Variants in NRXN1 observed in about 807,000 individuals in gnomAD.
NRXN1 encodes the protein neurexin-1.
A neutral mutation model predicts 150.9 loss-of-function variants in NRXN1; 39 were observed. The observed-to-expected ratio is 0.26, with a 90% CI of 0.20 to 0.34. NRXN1 has a LOEUF of 0.34. Ranked by LOEUF, NRXN1 falls within the 10% of genes least tolerant of loss-of-function variation. NRXN1 has a pLI of 1.00. For missense variants in NRXN1, 1,815 were observed against 1,949.9 expected, an observed-to-expected ratio of 0.93 and a Z score of 1.30; for synonymous variants, 924 against 757.0, an observed-to-expected ratio of 1.22 and a Z score of -3.62.
At chr2:50,211,361 G>A (rs1251027100) in intron 18 of NRXN1, among the ~76,000 whole-genome samples, 1 of 151,468 alleles carries the variant, frequency 6.6e-6, no homozygotes. Flanking sequence ...ATAGAACATT[G>A]AAAATAAGAA....
At chr2:49,960,112 G>C (rs963790316) in intron 21 of NRXN1, among the ~76,000 whole-genome samples, 2 of 152,132 alleles carry the variant, frequency 1.3e-5, no homozygotes, top group African/African-American at 4.8e-5. Flanking sequence ...GCAAACTCAA[G>C]GGAGACAGAC....
chr2:50,895,105 T>C (rs942664795), intron 5 of NRXN1, among the ~76,000 whole-genome samples: 3 of 152,130 alleles, frequency 2.0e-5, no homozygotes, highest in Admixed American at 6.5e-5. Flanking sequence ...AATGACAAAT[T>C]ATTCATTTGC....
At chr2:50,896,810 G>A (rs1296942045) in intron 5 of NRXN1, among the ~76,000 whole-genome samples, 2 of 151,364 alleles carry the variant, frequency 1.3e-5, no homozygotes, top group Non-Finnish European at 2.9e-5. Flanking sequence ...TTGTGCCACT[G>A]CACCCCAGCC....
At chr2:50,131,599 A>G (rs1361008585) in intron 18 of NRXN1, among the ~76,000 whole-genome samples, 2 of 152,222 alleles carry the variant, frequency 1.3e-5, no homozygotes, top group East Asian at 3.8e-4. Context: ...TATACGAAGA[A>G]ATGCTCTGTT....
At chr2:50,980,871 C>T (rs1447196644) in intron 2 of NRXN1, among the ~76,000 whole-genome samples, 2 of 152,036 alleles carry the variant, frequency 1.3e-5, no homozygotes, top group African/African-American at 4.8e-5. Flanking sequence ...GAAAGATTAT[C>T]TATGGTAGAA....
At chr2:50,206,818 TTTTA>T (rs1210448127) in intron 18 of NRXN1, among the ~76,000 whole-genome samples, 2 of 150,836 alleles carry the variant, frequency 1.3e-5, no homozygotes, top group Non-Finnish European at 1.5e-5. Context: ...GTAATATATA[TTTTA>T]TTTATTATGA....
chr2:50,183,002 T>C (rs997811691), intron 18 of NRXN1, among the ~76,000 whole-genome samples: 2 of 152,058 alleles, frequency 1.3e-5, no homozygotes, highest in East Asian at 3.9e-4. Context: ...AATGTATACA[T>C]ACCATAGAGA....
intron 5 of NRXN1, among the ~76,000 whole-genome samples, chr2:50,892,356 C>T (rs1681195014): frequency 6.6e-6 from 1 of 152,124 alleles, no homozygotes; most frequent in African/African-American, 2.4e-5. Context: ...TATTACTCAG[C>T]TATTGGGAAT....
chr2:49,958,235 C>A (rs761633307), intron 21 of NRXN1, among the ~76,000 whole-genome samples: 28 of 152,190 alleles, frequency 1.8e-4, no homozygotes, highest in Middle Eastern at 3.2e-3. Flanking sequence ...ACTCTTCCTG[C>A]AGGTATTTCA....
chr2:50,792,676 C>T (rs1706220626), intron 5 of NRXN1, among the ~76,000 whole-genome samples: 1 of 150,934 alleles, frequency 6.6e-6, no homozygotes, highest in Non-Finnish European at 1.5e-5. Flanking sequence ...AAAAACAGAA[C>T]TTTTTTTTTA....
At chr2:50,829,063 C>T (rs530695371) in intron 5 of NRXN1, among the ~76,000 whole-genome samples, 8 of 152,274 alleles carry the variant, frequency 5.3e-5, no homozygotes, top group Admixed American at 4.6e-4. Flanking sequence ...CCCGTCTCCA[C>T]CAAAAAAATA....
chr2:49,949,809 T>G (rs948562338), intron 21 of NRXN1, among the ~76,000 whole-genome samples: 2 of 151,850 alleles, frequency 1.3e-5, no homozygotes, highest in African/African-American at 4.8e-5. Context: ...CAACAGTTAG[T>G]GGGTCGAGGA....
chr2:50,095,376 C>A (rs1476931394), intron 18 of NRXN1, among the ~76,000 whole-genome samples: 13 of 152,144 alleles, frequency 8.5e-5, no homozygotes. Context: ...ATCTGTTACT[C>A]TAGGGTTGCC....
chr2:50,619,934 A>T (rs974647578), intron 8 of NRXN1, 88 bp downstream of exon 8: 3 of 1,228,002 alleles, frequency 2.4e-6, no homozygotes, highest in Non-Finnish European at 3.3e-6. Context: ...ACTCTGGAAC[A>T]TCGGGTCTTC....
intron 1 of NRXN1, among the ~76,000 whole-genome samples, chr2:51,030,111 T>C (rs1032456344): frequency 4.6e-3 from 186 of 40,800 alleles, no homozygotes; most frequent in South Asian, 0.04. Flanking sequence ...TAATCACTGA[T>C]TTTTTTCCTA....
intron 21 of NRXN1, among the ~76,000 whole-genome samples, chr2:50,040,636 C>T (rs889433187): frequency 6.6e-6 from 1 of 151,802 alleles, no homozygotes; most frequent in African/African-American, 2.4e-5. Flanking sequence ...TTTTATATAC[C>T]ATCTTCTAAA....
At position 51,005,995 on chromosome 2, in the gene NRXN1, C is replaced by T. The variant is rs892893804; in HGVS notation, c.772+21507G>A. On this transcript the variant is annotated intron_variant, in intron 2 of 22. Coordinates refer to ENST00000401669, the MANE Select transcript of NRXN1 (RefSeq NM_001330078.2). ...AAGCAAGCAGGGGCAGTCATACTTACATCAGACAAAACAGACTTTAGGTCA... is the reference window on the plus strand; with the variant it reads ...AAGCAAGCAGGGGCAGTCATACTTATATCAGACAAAACAGACTTTAGGTCA... Among the ~76,000 whole-genome samples, 6 of 151,466 alleles carry T rather than the reference C, an allele frequency of 4.0e-5. No homozygotes were observed. In the East Asian group the frequency reaches 5.9e-4, roughly 15 times the overall value.
chr2:50,203,453 G>A (rs1014055288), intron 18 of NRXN1, among the ~76,000 whole-genome samples: 1 of 152,074 alleles, frequency 6.6e-6, no homozygotes, highest in Non-Finnish European at 1.5e-5. Flanking sequence ...TGAAATGTTG[G>A]AATTCCATTT....
At chr2:50,373,297 A>ATTATTG (rs2080169990) in intron 17 of NRXN1, among the ~76,000 whole-genome samples, 1 of 139,944 alleles carries the variant, frequency 7.1e-6, no homozygotes, top group Non-Finnish European at 1.5e-5. Flanking sequence ...TTTATTTTTT[A>ATTATTG]TTATTATTAT....
Sources: allele counts gnomAD v4.1 joint callset (sites outside exome capture counted in the v4.1 genomes callset), GRCh38; gene constraint gnomAD v4.1.1; transcripts MANE v1.5; gene names NCBI Gene and HGNC (gene_info 2026-07-23, HGNC 2026-07-21).